The following COL22A1 variants were observed in gnomAD, a reference collection of about 807,000 sequenced individuals.
COL22A1 encodes collagen alpha-1(XXII) chain.
A neutral mutation model predicts 248.9 loss-of-function variants in COL22A1; 221 were observed. The ratio of observed to expected loss-of-function variants is 0.89; its 90% CI spans 0.80 to 0.99. COL22A1 has a LOEUF of 0.99. Ranked by LOEUF, COL22A1 falls within the 50% of genes least tolerant of loss-of-function variation. The pLI, the probability that COL22A1 is intolerant of heterozygous loss-of-function variation, is 0.00. For missense variants in COL22A1, 2,240 were observed against 2,179.0 expected, an observed-to-expected ratio of 1.03 and a Z score of -0.56; for synonymous variants, 891 against 793.4, an observed-to-expected ratio of 1.12 and a Z score of -2.07.
intron 1 of COL22A1, among the ~76,000 whole-genome samples, chr8:138,904,737 G>T (rs78010861): frequency 0.039 from 5,996 of 152,166 alleles, 146 homozygotes; most frequent in South Asian, 0.067. Context: ...TTTGAGCAGC[G>T]TCTGGTCTGG....
chr8:138,679,970 G>T (rs144364604), intron 39 of COL22A1, among the ~76,000 whole-genome samples: 44 of 152,326 alleles, frequency 2.9e-4, no homozygotes, highest in Admixed American at 1.2e-3. Context: ...GAAGCGTGGA[G>T]TCACTGACTG....
intron 4 of COL22A1, among the ~76,000 whole-genome samples, chr8:138,834,201 C>G (rs567339253): frequency 6.6e-6 from 1 of 152,176 alleles, no homozygotes; most frequent in East Asian, 1.9e-4. Context: ...ACAGGGAAGC[C>G]GGCTGAAGGC....
At chr8:138,842,865 CTTTG>C (rs1317358999) in intron 4 of COL22A1, among the ~76,000 whole-genome samples, 1 of 152,156 alleles carries the variant, frequency 6.6e-6, no homozygotes, top group Non-Finnish European at 1.5e-5. Flanking sequence ...GAGAATATCA[CTTTG>C]TTTGGTTTCC....
chr8:138,593,993 T>G, intron 63 of COL22A1, 24 bp downstream of exon 63: 3 of 1,508,232 alleles, frequency 2.0e-6, no homozygotes, highest in Non-Finnish European at 2.7e-6. Context: ...ACACGGAGCA[T>G]ATCTCCTCCA....
intron 12 of COL22A1, among the ~76,000 whole-genome samples, chr8:138,795,249 C>G (rs16909640): frequency 6.6e-6 from 1 of 151,982 alleles, no homozygotes; most frequent in African/African-American, 2.4e-5. Context: ...CAGAGAGTGG[C>G]GGAATGGAGA....
At chr8:138,627,899 T>G (rs1291909163) in intron 50 of COL22A1, among the ~76,000 whole-genome samples, 1 of 152,172 alleles carries the variant, frequency 6.6e-6, no homozygotes, top group Non-Finnish European at 1.5e-5. Context: ...AAAAATACCC[T>G]TTTTATAGAA....
intron 56 of COL22A1, among the ~76,000 whole-genome samples, chr8:138,610,271 G>A (rs1055799974): frequency 1.3e-5 from 2 of 152,216 alleles, no homozygotes; most frequent in African/African-American, 4.8e-5. Context: ...TTGGAAACTA[G>A]TGGCTGTGAG....
chr8:138,856,757 C>T (rs1272291940), intron 3 of COL22A1, among the ~76,000 whole-genome samples: 1 of 152,178 alleles, frequency 6.6e-6, no homozygotes, highest in East Asian at 1.9e-4. Context: ...TGTGGGCGGC[C>T]TGTGGGACAC....
At chr8:138,597,661 C>A (rs11986867) in intron 61 of COL22A1, among the ~76,000 whole-genome samples, 2 of 152,236 alleles carry the variant, frequency 1.3e-5, no homozygotes, top group South Asian at 4.1e-4. Context: ...CTGTCTACCC[C>A]TCAAGGGCAG....
At chr8:138,743,621 T>G (rs1831876253) in intron 22 of COL22A1, among the ~76,000 whole-genome samples, 1 of 152,174 alleles carries the variant, frequency 6.6e-6, no homozygotes, top group African/African-American at 2.4e-5. Flanking sequence ...TTTCAAAGAT[T>G]TGAGAAGTGC....
intron 2 of COL22A1, among the ~76,000 whole-genome samples, chr8:138,879,638 C>CCAATATCA (rs1003360018): frequency 1.0e-4 from 14 of 138,454 alleles, no homozygotes; most frequent in Admixed American, 2.4e-4. Flanking sequence ...TTGCAGTGAG[C>CCAATATCA]CAATATCACA....
intron 23 of COL22A1, among the ~76,000 whole-genome samples, chr8:138,736,769 A>G (rs1831142758): frequency 6.6e-6 from 1 of 152,102 alleles, no homozygotes; most frequent in Admixed American, 6.5e-5. Flanking sequence ...GAATCCAGGG[A>G]GCGAGAACAG....
chr8:138,902,694 A>G (rs1043117357), intron 1 of COL22A1, among the ~76,000 whole-genome samples: 1 of 149,520 alleles, frequency 6.7e-6, no homozygotes, highest in Admixed American at 6.7e-5. Flanking sequence ...CGACAGAGCA[A>G]GACTCCGTCT....
chr8:138,731,575 G>C (rs1830710582), intron 23 of COL22A1, among the ~76,000 whole-genome samples: 1 of 151,852 alleles, frequency 6.6e-6, no homozygotes, highest in African/African-American at 2.4e-5. Context: ...GCAGGTGTGT[G>C]GGGTTGCTGT....
At position 138,793,691 on chromosome 8, in the gene COL22A1, C is replaced by A. The variant is rs117829488; in HGVS notation, c.1596+3128G>T. Among the ~76,000 whole-genome samples, 838 of 152,300 alleles carry A rather than the reference C, an allele frequency of 5.5e-3. 19 individuals carry two copies. The East Asian group carries it at 0.056, about 10-fold the overall frequency. On this transcript the variant is annotated intron_variant, in intron 12 of 64. Coordinates refer to ENST00000303045, the MANE Select transcript of COL22A1 (RefSeq NM_152888.3). ...ACAACTATGCCCTCGCGGCATCAGA[C>A]CCTTGAATGTGATGCTGCAGGTAGG...
intron 1 of COL22A1, among the ~76,000 whole-genome samples, chr8:138,897,846 C>T (rs1049991528): frequency 3.3e-5 from 5 of 151,068 alleles, no homozygotes; most frequent in Non-Finnish European, 7.4e-5. Context: ...TTTTGGGCTG[C>T]TGCAACAAAT....
chr8:138,804,746 T>G lies in COL22A1; in HGVS notation c.1495-1812A>C, dbSNP rs370242088. ...TGTGTGATGAGGGGTGTGTATGTGA[T>G]GAGGGGTGTGTGTGTGATGGGTGTG... On this transcript the variant is annotated intron_variant, in intron 10 of 64. Transcript: ENST00000303045. Among the ~76,000 whole-genome samples, 4 of 146,482 alleles carry G rather than the reference T, an allele frequency of 2.7e-5. No homozygotes were observed. The East Asian group carries it at 8.2e-4, about 30-fold the overall frequency.
chr8:138,817,643 T>C (rs759327690), intron 7 of COL22A1, among the ~76,000 whole-genome samples: 1 of 152,132 alleles, frequency 6.6e-6, no homozygotes, highest in Non-Finnish European at 1.5e-5. Flanking sequence ...GTCGACCATA[T>C]AATACAAATG....
At chr8:138,601,577 C>A (rs555527103) in intron 60 of COL22A1, among the ~76,000 whole-genome samples, 1 of 152,220 alleles carries the variant, frequency 6.6e-6, no homozygotes, top group South Asian at 2.1e-4. Flanking sequence ...AACGCGTCCG[C>A]CTTCCACAGG....
Sources: gnomAD v4.1 joint callset for allele counts (sites outside exome capture counted in the v4.1 genomes callset) on GRCh38, gnomAD v4.1.1 for gene constraint, MANE v1.5 for transcripts, NCBI Gene and HGNC (gene_info 2026-07-23, HGNC 2026-07-21) for gene names.